The following CAAP1 variants were observed in gnomAD, a reference collection of about 807,000 sequenced individuals.
CAAP1 encodes caspase activity and apoptosis inhibitor 1, also known as conserved anti-apoptotic protein.
In CAAP1, 20 loss-of-function variants were observed where a neutral mutation model predicts 34.0. The observed-to-expected ratio is 0.59, with a 90% CI of 0.41 to 0.86. The LOEUF (loss-of-function observed/expected upper bound fraction) is 0.86, where lower values mean the gene tolerates loss of function less well. Among genes scored for constraint, CAAP1 ranks in the 40% least tolerant of loss-of-function variants. The pLI, the probability that CAAP1 is intolerant of heterozygous loss-of-function variation, is 0.00. For missense variants in CAAP1, 538 were observed against 450.5 expected (o/e 1.19, Z -1.76); for synonymous variants, 213 against 166.7 (o/e 1.28, Z -2.14).
intron 4 of CAAP1, among the ~76,000 whole-genome samples, chr9:26,862,978 A>G (rs1339060267): frequency 2.6e-5 from 4 of 152,150 alleles, no homozygotes; most frequent in African/African-American, 9.7e-5. Context: ...AAGGTCAATA[A>G]TAAGTAAATC....
At position 26,867,773 on chromosome 9, in the gene CAAP1, T is replaced by C. The variant is rs141946173; in HGVS notation, c.666-6634A>G. 3.3e-5 allele frequency among the ~76,000 whole-genome samples: 5 copies of C among 152,264 alleles called. No homozygotes were observed. The East Asian group carries it at 9.6e-4, about 29-fold the overall frequency. On this transcript the variant is annotated intron_variant, in intron 4 of 5. Coordinates refer to ENST00000333916, the MANE Select transcript of CAAP1 (RefSeq NM_024828.4). ...TAATATGTCCATAAGTATATTACCA[T>C]ATTGCAAAATATTTTAATATTAACT... is the stretch of plus-strand genomic sequence containing the variant.
At position 26,865,103 on chromosome 9, in the gene CAAP1, T is replaced by A. The variant is rs1325802069; in HGVS notation, c.666-3964A>T. Reference sequence around the variant, plus strand: ...AAATAATGTCAATATAACAGATTGATCTCAACTGTGAGAAAAATCCTTTTA... The same window carrying A: ...AAATAATGTCAATATAACAGATTGAACTCAACTGTGAGAAAAATCCTTTTA... On this transcript the variant is annotated intron_variant, in intron 4 of 5. Coordinates refer to ENST00000333916, the MANE Select transcript of CAAP1 (RefSeq NM_024828.4). 2.0e-5 allele frequency among the ~76,000 whole-genome samples: 3 copies of A among 152,194 alleles called. No homozygotes were observed. In the East Asian group the frequency reaches 5.8e-4, roughly 29 times the overall value.
chr9:26,881,889 G>A (rs962497386), intron 4 of CAAP1, among the ~76,000 whole-genome samples: 3 of 152,132 alleles, frequency 2.0e-5, no homozygotes, highest in Admixed American at 1.3e-4. Context: ...GGAAATCCAG[G>A]GTGTGGTGGT....
intron 4 of CAAP1, among the ~76,000 whole-genome samples, chr9:26,861,708 C>T (rs1168021043): frequency 6.6e-6 from 1 of 151,948 alleles, no homozygotes. Flanking sequence ...AGCATTATAC[C>T]ATCTTAATAT....
chr9:26,869,882 T>C (rs1451860979), intron 4 of CAAP1: 2 of 844,594 alleles, frequency 2.4e-6, no homozygotes, highest in Non-Finnish European at 2.9e-6. Flanking sequence ...AACTTCAATT[T>C]TTTAAAAAGG....
At chr9:26,870,587 C>CGTACGT (rs1554651680) in intron 4 of CAAP1, among the ~76,000 whole-genome samples, 24 of 135,306 alleles carry the variant, frequency 1.8e-4, no homozygotes, top group African/African-American at 6.6e-4. Context: ...CACATATATA[C>CGTACGT]GTGTGTGTGT....
At chr9:26,844,970 T>C (rs1425605772) in intron 5 of CAAP1, among the ~76,000 whole-genome samples, 1 of 152,218 alleles carries the variant, frequency 6.6e-6, no homozygotes, top group African/African-American at 2.4e-5. Flanking sequence ...TATTTCTTTA[T>C]TTTCCCTTTT....
Position 26,840,926 on chromosome 9 carries a change from G to C in CAAP1, c.*1375C>G, listed in dbSNP as rs944100298. ...AACTCAAATCTGTTTACCAGCTTAA[G>C]AGAAGCATTTAAAATCATATAGGCT... On this transcript the variant is annotated 3_prime_UTR_variant, in exon 6 of 6. Transcript: ENST00000333916. 6.6e-6 allele frequency: 1 copy of C among 152,168 alleles called. No homozygotes were observed. The highest frequency in any genetic ancestry group is 6.5e-5 in the Admixed American group (1 of 15,276). 9.4% of individuals were successfully genotyped at this position (152,168 alleles called of 1,614,324 possible).
intron 4 of CAAP1, among the ~76,000 whole-genome samples, chr9:26,882,550 G>T (rs1000508455): frequency 1.7e-4 from 26 of 152,204 alleles, no homozygotes; most frequent in African/African-American, 6.0e-4. Flanking sequence ...CTGCAGGGGC[G>T]GGGCTCTCAT....
chr9:26,886,994 T>C (rs1045849359), intron 2 of CAAP1, among the ~76,000 whole-genome samples: 6 of 152,096 alleles, frequency 3.9e-5, no homozygotes, highest in Admixed American at 3.9e-4. Flanking sequence ...GGTGGGCAGA[T>C]CACGAGGTCA....
Position 26,892,237 on chromosome 9 carries a change from C to T in CAAP1, c.303+176G>A, listed in dbSNP as rs1225520683. On this transcript the variant is annotated intron_variant, in intron 1 of 5. Transcript: ENST00000333916. Reference sequence around the variant, plus strand: ...AACTTGAAGTTCAAGATTCAAGACACGGATGGGAGTGTGGGGCTCACCAGG... The same window carrying T: ...AACTTGAAGTTCAAGATTCAAGACATGGATGGGAGTGTGGGGCTCACCAGG... 23 of 1,458,384 alleles carry T rather than the reference C, an allele frequency of 1.6e-5. No individual in the cohort carries two copies. In the East Asian group the frequency reaches 5.0e-4, roughly 32 times the overall value. The allele number at this position is 1,458,384 out of a possible 1,614,324, so 90.3% of individuals were successfully genotyped here. A position where few individuals can be genotyped will look rare whatever the true frequency, so the allele number is the denominator to read the frequency against.
intron 4 of CAAP1, among the ~76,000 whole-genome samples, chr9:26,869,649 T>C (rs1421770802): frequency 6.6e-6 from 1 of 152,330 alleles, no homozygotes. Flanking sequence ...TTCTTATTAA[T>C]AGTTAACGTG....
intron 4 of CAAP1, among the ~76,000 whole-genome samples, chr9:26,875,241 C>A (rs573929164): frequency 6.6e-6 from 1 of 152,178 alleles, no homozygotes; most frequent in African/African-American, 2.4e-5. Context: ...CAAAAATTAG[C>A]CAGGCGTGGT....
chr9:26,861,199 C>A (rs1587101443), intron 4 of CAAP1, 60 bp from the exon 5 acceptor site: 1 of 1,220,934 alleles, frequency 8.2e-7, no homozygotes, highest in African/African-American at 1.5e-5. Context: ...ATATTTACTA[C>A]CCAGGTTCCC....
chr9:26,868,451 A>G (rs1366249834), intron 4 of CAAP1, among the ~76,000 whole-genome samples: 1 of 152,144 alleles, frequency 6.6e-6, no homozygotes, highest in Non-Finnish European at 1.5e-5. Flanking sequence ...AGGGCAAGAA[A>G]ATGAATTCTC....
intron 4 of CAAP1, among the ~76,000 whole-genome samples, chr9:26,883,917 T>C (rs983505667): frequency 6.6e-6 from 1 of 152,324 alleles, no homozygotes; most frequent in South Asian, 2.1e-4. Flanking sequence ...TTCTACTCTA[T>C]GTTTTCATAT....
intron 1 of CAAP1, among the ~76,000 whole-genome samples, chr9:26,889,501 T>TGTGAAATGG (rs1481890215): frequency 2.7e-4 from 41 of 152,234 alleles, no homozygotes; most frequent in African/African-American, 7.5e-4. Context: ...TAACTGTACA[T>TGTGAAATGG]GTGAAATGGG....
intron 4 of CAAP1, among the ~76,000 whole-genome samples, chr9:26,884,365 T>G (rs1764406671): frequency 6.6e-6 from 1 of 152,192 alleles, no homozygotes; most frequent in South Asian, 2.1e-4. Context: ...ATATGCAGAC[T>G]TACATGAACA....
intron 5 of CAAP1, among the ~76,000 whole-genome samples, chr9:26,846,776 C>T (rs1168790701): frequency 6.6e-6 from 1 of 152,116 alleles, no homozygotes; most frequent in Admixed American, 6.5e-5. Flanking sequence ...CAACCTCCAC[C>T]TCCCAGGTTC....
Sources: gnomAD v4.1 joint callset for allele counts (sites outside exome capture counted in the v4.1 genomes callset) on GRCh38, gnomAD v4.1.1 for gene constraint, MANE v1.5 for transcripts, NCBI Gene and HGNC (gene_info 2026-07-23, HGNC 2026-07-21) for gene names.